SLC2A13: variants seen among roughly 807,000 people sequenced by gnomAD.
SLC2A13 encodes solute carrier family 2 member 13.
In SLC2A13, 32 loss-of-function variants were observed where a neutral mutation model predicts 64.4. The ratio of observed to expected loss-of-function variants is 0.50; its 90% CI spans 0.37 to 0.67. The LOEUF (loss-of-function observed/expected upper bound fraction) is 0.67. Ranked by LOEUF, SLC2A13 falls within the 30% of genes least tolerant of loss-of-function variation. The probability of loss-of-function intolerance (pLI) is 0.00; values close to 1 mark genes in which losing one functional copy is unlikely to be tolerated. For synonymous variants in SLC2A13, 338 were observed against 327.1 expected (o/e 1.03, Z -0.36); for missense variants, 743 against 829.2 (o/e 0.90, Z 1.28).
At chr12:39,813,113 G>A (rs1408644695) in intron 7 of SLC2A13, among the ~76,000 whole-genome samples, 3 of 144,822 alleles carry the variant, frequency 2.1e-5, no homozygotes, top group Non-Finnish European at 4.5e-5. Flanking sequence ...CCAATGTGCT[G>A]GGATTACAGG....
intron 2 of SLC2A13, among the ~76,000 whole-genome samples, chr12:40,043,614 C>T (rs1290695760): frequency 1.3e-5 from 2 of 151,944 alleles, no homozygotes; most frequent in Admixed American, 6.6e-5. Flanking sequence ...TGAAACTGTT[C>T]GTCACTATAA....
chr12:39,759,927 G>A lies in SLC2A13; in HGVS notation c.*99C>T. On this transcript the variant is annotated 3_prime_UTR_variant, in exon 10 of 10. Transcript: ENST00000280871. ...ATATGAAGTCAATCAAAACTAGGCTGTGGAAAGAACCAGATTAGAAGCAGG... is the reference window on the plus strand; with the variant it reads ...ATATGAAGTCAATCAAAACTAGGCTATGGAAAGAACCAGATTAGAAGCAGG... 1 of 840,414 alleles carries A rather than the reference G, an allele frequency of 1.2e-6. No homozygotes were observed. Among genetic ancestry groups the A allele is most frequent in the Non-Finnish European group, 1.9e-6 (1 of 526,578 alleles). The allele number at this position is 840,414 out of a possible 1,614,324, so 52.1% of individuals were successfully genotyped here.
At chr12:39,860,450 T>C (rs1051879300) in intron 6 of SLC2A13, among the ~76,000 whole-genome samples, 3 of 152,208 alleles carry the variant, frequency 2.0e-5, no homozygotes, top group African/African-American at 4.8e-5. Context: ...CCCATGTCTA[T>C]GGACTTAATT....
intron 6 of SLC2A13, among the ~76,000 whole-genome samples, chr12:39,838,491 TA>T (rs573123054): frequency 0.02 from 2,063 of 100,984 alleles, 20 homozygotes; most frequent in Middle Eastern, 0.033. Flanking sequence ...TAAAGTATAA[TA>T]AAAAAAAATA....
At position 39,759,322 on chromosome 12, in the gene SLC2A13, A is replaced by C. The variant is rs1940051460; in HGVS notation, c.*704T>G. The stretch of plus-strand genomic sequence containing the variant: ...GCTCATCTGCGCAAATGTATGCCTT[A>C]TCACTGATGCAAAAAAAAGAAGTAT... On this transcript the variant is annotated 3_prime_UTR_variant, in exon 10 of 10. Coordinates refer to ENST00000280871, the MANE Select transcript of SLC2A13 (RefSeq NM_052885.4). 3 of 152,210 alleles carry C rather than the reference A, an allele frequency of 2.0e-5. No individual in the cohort carries two copies. In the South Asian group the frequency reaches 6.2e-4, roughly 31 times the overall value. The allele number at this position is 152,210 out of a possible 1,614,324, so 9.4% of individuals were successfully genotyped here.
intron 2 of SLC2A13, among the ~76,000 whole-genome samples, chr12:40,034,785 A>T (rs1208045623): frequency 1.3e-5 from 2 of 152,178 alleles, no homozygotes; most frequent in Non-Finnish European, 2.9e-5. Flanking sequence ...TAGCAATTAG[A>T]ATCAATAGAT....
intron 1 of SLC2A13, among the ~76,000 whole-genome samples, chr12:40,074,491 T>C (rs779005878): frequency 6.6e-6 from 1 of 152,116 alleles, no homozygotes; most frequent in Non-Finnish European, 1.5e-5. Context: ...TCTGGCATAG[T>C]GTTTTTGATC....
chr12:39,977,657 T>G (rs1355691203), intron 3 of SLC2A13, among the ~76,000 whole-genome samples: 1 of 152,234 alleles, frequency 6.6e-6, no homozygotes, highest in African/African-American at 2.4e-5. Context: ...TAGAAATATC[T>G]TCAGAGCCAG....
chr12:39,923,634 G>A (rs1447585136), intron 4 of SLC2A13, among the ~76,000 whole-genome samples: 1 of 149,240 alleles, frequency 6.7e-6, no homozygotes, highest in Non-Finnish European at 1.5e-5. Context: ...GTACGCTCAA[G>A]AATGGTAAAA....
At chr12:39,923,696 GCACA>G (rs368849811) in intron 4 of SLC2A13, among the ~76,000 whole-genome samples, 14 of 146,904 alleles carry the variant, frequency 9.5e-5, no homozygotes, top group African/African-American at 3.5e-4. Flanking sequence ...ATGCGCACGC[GCACA>G]CACACACACA....
chr12:40,097,990 C>T (rs1029488712), intron 1 of SLC2A13, among the ~76,000 whole-genome samples: 4 of 151,432 alleles, frequency 2.6e-5, no homozygotes, highest in East Asian at 1.9e-4. Flanking sequence ...CATCAACAGA[C>T]GAATGGATAG....
At chr12:39,857,456 C>T (rs527430843) in intron 6 of SLC2A13, among the ~76,000 whole-genome samples, 31 of 152,296 alleles carry the variant, frequency 2.0e-4, no homozygotes, top group African/African-American at 7.5e-4. Flanking sequence ...AATCACCCAG[C>T]CTTGCCATTC....
In SLC2A13 at chr12:40,059,546, C is replaced by G. The variant is rs17460985; in HGVS notation, c.557-11336G>C. 1.4e-3 allele frequency among the ~76,000 whole-genome samples: 216 copies of G among 152,198 alleles called. 4 individuals carry two copies. In the East Asian group the frequency reaches 0.029, roughly 21 times the overall value. ...AGGGAAAGTTGTTTACTGGTTTGTTCTAAAGGATATGATGAAGGATATAGA... is the reference window on the plus strand; with the variant it reads ...AGGGAAAGTTGTTTACTGGTTTGTTGTAAAGGATATGATGAAGGATATAGA... On this transcript the variant is annotated intron_variant, in intron 1 of 9. Transcript: ENST00000280871.
intron 6 of SLC2A13, among the ~76,000 whole-genome samples, chr12:39,857,563 C>T (rs759880698): frequency 1.3e-5 from 2 of 152,190 alleles, no homozygotes; most frequent in African/African-American, 4.8e-5. Flanking sequence ...TTTCTCCCTT[C>T]ATCACCATTT....
chr12:39,973,231 C>A (rs1946698039), intron 3 of SLC2A13, among the ~76,000 whole-genome samples: 1 of 152,222 alleles, frequency 6.6e-6, no homozygotes, highest in African/African-American at 2.4e-5. Flanking sequence ...ATGATCAAGT[C>A]TCTGCTATCT....
rs1411258024 is a variant in SLC2A13 at position 39,883,946 on chromosome 12, T to TCCAGG, written c.1035-11986_1035-11985insCCTGG. On this transcript the variant is annotated intron_variant, in intron 4 of 9. Transcript: ENST00000280871. ...AATAAGGCAAATCCATCAAAACGTT[T>TCCAGG]AGACAGACTATCTCCTGGTGGTGAG... Among the ~76,000 whole-genome samples, 80 of 152,288 alleles carry TCCAGG rather than the reference T, an allele frequency of 5.3e-4. No homozygotes were observed. In the East Asian group the frequency reaches 0.014, roughly 27 times the overall value.
chr12:40,034,813 T>C (rs187013573), intron 2 of SLC2A13, among the ~76,000 whole-genome samples: 2 of 152,344 alleles, frequency 1.3e-5, no homozygotes, highest in Admixed American at 6.5e-5. Flanking sequence ...AAACACTAAC[T>C]AATGAAGATG....
intron 3 of SLC2A13, among the ~76,000 whole-genome samples, chr12:39,966,140 G>C (rs4768205): frequency 6.8e-6 from 1 of 147,918 alleles, no homozygotes; most frequent in African/African-American, 2.5e-5. Flanking sequence ...TATATATATA[G>C]AGAGAGAGAG....
At chr12:39,911,229 A>C (rs946001515) in intron 4 of SLC2A13, among the ~76,000 whole-genome samples, 1 of 152,164 alleles carries the variant, frequency 6.6e-6, no homozygotes, top group African/African-American at 2.4e-5. Context: ...CCTTGGCAAG[A>C]ACACGACTAT....
Sources: allele counts gnomAD v4.1 joint callset (sites outside exome capture counted in the v4.1 genomes callset), GRCh38; gene constraint gnomAD v4.1.1; transcripts MANE v1.5; gene names NCBI Gene and HGNC (gene_info 2026-07-23, HGNC 2026-07-21).